Variants in STK32B observed in about 807,000 individuals in gnomAD.
STK32B encodes serine/threonine-protein kinase 32B.
In STK32B, 43 loss-of-function variants were observed where a neutral mutation model predicts 52.6. That is an observed-to-expected ratio of 0.82 (90% CI 0.64 to 1.05). STK32B has a LOEUF of 1.05. STK32B is among the 50% of genes least tolerant of loss of function. The pLI is 0.00. For missense variants in STK32B, 621 were observed against 534.6 expected, an observed-to-expected ratio of 1.16 and a Z score of -1.59; for synonymous variants, 238 against 204.3, an observed-to-expected ratio of 1.17 and a Z score of -1.41.
upstream of STK32B, among the ~76,000 whole-genome samples, chr4:5,050,863 C>A (rs994924818): frequency 6.6e-6 from 1 of 152,180 alleles, no homozygotes; most frequent in African/African-American, 2.4e-5. Flanking sequence ...AAATCGGACG[C>A]CGATGCCGCC....
At chr4:5,170,458 C>T (rs981056109) in intron 3 of STK32B, among the ~76,000 whole-genome samples, 16 of 152,040 alleles carry the variant, frequency 1.1e-4, no homozygotes, top group African/African-American at 2.4e-4. Flanking sequence ...ATCGCTCCCC[C>T]GTCCCCCCAC....
chr4:5,109,639 TG>T (rs1379474979), intron 1 of STK32B, among the ~76,000 whole-genome samples: 2 of 152,102 alleles, frequency 1.3e-5, no homozygotes, highest in Non-Finnish European at 2.9e-5. Context: ...CTCAGGATAA[TG>T]GGAGCCATGT....
chr4:5,419,956 T>C (rs1712483831), intron 6 of STK32B, among the ~76,000 whole-genome samples: 1 of 152,242 alleles, frequency 6.6e-6, no homozygotes, highest in African/African-American at 2.4e-5. Context: ...TTACTATATG[T>C]CAGGTACCGA....
At chr4:5,232,086 C>T (rs1481907473) in intron 3 of STK32B, among the ~76,000 whole-genome samples, 3 of 152,152 alleles carry the variant, frequency 2.0e-5, no homozygotes, top group Non-Finnish European at 2.9e-5. Flanking sequence ...CTTTGCTGAG[C>T]TGACAGCCCA....
intron 3 of STK32B, among the ~76,000 whole-genome samples, chr4:5,178,869 C>A (rs1190601009): frequency 6.6e-6 from 1 of 152,184 alleles, no homozygotes. Context: ...GAGTTTCCAA[C>A]TTTCCCACAT....
chr4:5,245,336 C>G (rs1047648679), intron 3 of STK32B, among the ~76,000 whole-genome samples: 5 of 152,106 alleles, frequency 3.3e-5, no homozygotes, highest in African/African-American at 1.2e-4. Context: ...TATGTAATGG[C>G]CTTCTTTGTC....
chr4:5,486,631 G>A (rs1344592267), intron 11 of STK32B, among the ~76,000 whole-genome samples: 1 of 152,208 alleles, frequency 6.6e-6, no homozygotes, highest in Non-Finnish European at 1.5e-5. Context: ...GATGAACCTG[G>A]TACCTCAGTT....
chr4:5,052,556 C>T (rs1741832437), intron 1 of STK32B, among the ~76,000 whole-genome samples: 1 of 152,134 alleles, frequency 6.6e-6, no homozygotes, highest in Admixed American at 6.6e-5. Context: ...CGATAGAGCT[C>T]CCTATTTGGA....
rs527951328 is a variant in STK32B at position 5,431,113 on chromosome 4, G to A, written c.562+14179G>A. Among the ~76,000 whole-genome samples, 5 of 152,330 alleles carry A rather than the reference G, an allele frequency of 3.3e-5. No homozygotes were observed. In the South Asian group the frequency reaches 6.2e-4, roughly 19 times the overall value. On this transcript the variant is annotated intron_variant, in intron 6 of 11. Coordinates refer to ENST00000282908, the MANE Select transcript of STK32B (RefSeq NM_018401.3). ...CTAATGGTCTGATCCCAGGATCATG[G>A]TAGGGAAATGAAACTGCATTTGCTA...
At chr4:5,428,556 T>C (rs1167439967) in intron 6 of STK32B, among the ~76,000 whole-genome samples, 1 of 152,234 alleles carries the variant, frequency 6.6e-6, no homozygotes, top group Non-Finnish European at 1.5e-5. Context: ...TGAAGTTTAA[T>C]TTATGGTCTA....
intron 2 of STK32B, among the ~76,000 whole-genome samples, chr4:5,150,125 C>G (rs1218672807): frequency 6.6e-6 from 1 of 152,002 alleles, no homozygotes; most frequent in African/African-American, 2.4e-5. Flanking sequence ...TAATGTGTCA[C>G]TTTTGTCTCC....
Position 5,394,380 on chromosome 4 carries a change from C to T in STK32B, c.435-3827C>T, listed in dbSNP as rs747847773. Among the ~76,000 whole-genome samples the T allele has an allele frequency of 2.0e-5, 3 of 152,124 alleles. No individual in the cohort carries two copies. The highest frequency in any genetic ancestry group is 2.1e-4 in the South Asian group (1 of 4,818). ...CAAACCCGTTTTCAACAGGATGACG[C>T]GCTGGAGCTGAGATACGATCAATGT... On this transcript the variant is annotated intron_variant, in intron 4 of 11. Transcript: ENST00000282908. This position sits in a 1 kb window ranked among gnomAD's most constrained non-coding sequence, Gnocchi z 4.2.
At chr4:5,451,646 G>A (rs1716006500) in intron 7 of STK32B, among the ~76,000 whole-genome samples, 1 of 152,268 alleles carries the variant, frequency 6.6e-6, no homozygotes, top group East Asian at 1.9e-4. Context: ...GGACATTTGA[G>A]GCCAGATGAT....
chr4:5,185,583 C>T (rs978423662), intron 3 of STK32B, among the ~76,000 whole-genome samples: 1 of 152,162 alleles, frequency 6.6e-6, no homozygotes, highest in Admixed American at 6.5e-5. Flanking sequence ...TCAGGGAAAC[C>T]TTTGACAAAG....
intron 3 of STK32B, among the ~76,000 whole-genome samples, chr4:5,258,203 A>T (rs1436196165): frequency 1.3e-5 from 2 of 152,196 alleles, no homozygotes; most frequent in Admixed American, 1.3e-4. Context: ...ACAAAAAATT[A>T]TAGTGATATT....
intron 4 of STK32B, among the ~76,000 whole-genome samples, chr4:5,333,794 C>G (rs559830360): frequency 2.8e-4 from 42 of 151,326 alleles, no homozygotes; most frequent in African/African-American, 1.0e-3. Flanking sequence ...TGTAGATATG[C>G]GGCTTATTTC....
chr4:5,170,614 C>A (rs1719293436), intron 3 of STK32B, among the ~76,000 whole-genome samples: 1 of 152,138 alleles, frequency 6.6e-6, no homozygotes, highest in African/African-American at 2.4e-5. Context: ...CCAGCTTCAT[C>A]CATGTCCCTA....
At chr4:5,379,454 T>C (rs1735792397) in intron 4 of STK32B, among the ~76,000 whole-genome samples, 2 of 152,076 alleles carry the variant, frequency 1.3e-5, no homozygotes, top group South Asian at 4.1e-4. Context: ...CTACGGTCCA[T>C]GGGATTCCCA....
At chr4:5,191,816 T>G (rs190105386) in intron 3 of STK32B, among the ~76,000 whole-genome samples, 20 of 152,224 alleles carry the variant, frequency 1.3e-4, no homozygotes, top group Admixed American at 1.2e-3. Context: ...AAATTGCAAT[T>G]TGTAGAATTG....
Sources: allele counts gnomAD v4.1 joint callset (sites outside exome capture counted in the v4.1 genomes callset), GRCh38; gene constraint gnomAD v4.1.1; non-coding constraint Gnocchi (gnomAD v3.1); transcripts MANE v1.5; gene names NCBI Gene and HGNC (gene_info 2026-07-23, HGNC 2026-07-21).